ANHX: variants seen among roughly 807,000 people sequenced by gnomAD.
ANHX encodes the protein anomalous homeobox, also known as anomalous homeobox protein.
ANHX carries 20 observed loss-of-function variants against 38.9 expected under a neutral mutation model. The ratio of observed to expected loss-of-function variants is 0.51; its 90% CI spans 0.36 to 0.75. The LOEUF (loss-of-function observed/expected upper bound fraction) is 0.75. ANHX is among the 30% of genes least tolerant of loss of function. The pLI is 0.00. For missense variants in ANHX, 475 were observed against 493.1 expected, an observed-to-expected ratio of 0.96 and a Z score of 0.35; for synonymous variants, 185 against 203.1, an observed-to-expected ratio of 0.91 and a Z score of 0.76.
intron 7 of ANHX, among the ~76,000 whole-genome samples, chr12:133,224,442 C>A (rs144298557): frequency 0.68 from 100,888 of 149,358 alleles, 33,839 homozygotes; most frequent in East Asian, 0.9. Flanking sequence ...CGGGTGGATC[C>A]CTTGAGTTCA....
rs755809523 is a variant in ANHX at position 133,227,199 on chromosome 12, G to A, written c.502-47C>T. On this transcript the variant is annotated intron_variant, in intron 4 of 9. Coordinates refer to ENST00000545940, the MANE Select transcript of ANHX (RefSeq NM_001372060.1). The stretch of plus-strand genomic sequence containing the variant: ...TCTAGCCCTGCTTCCATTCCCTGAG[G>A]ACAGGGGGTGTGCAGAAGTGGCTCA... 5 of 1,499,434 alleles carry A rather than the reference G, an allele frequency of 3.3e-6. 1 individual carries two copies. The highest frequency in any genetic ancestry group is 1.7e-4 in the Middle Eastern group (1 of 5,816). 92.9% of individuals were successfully genotyped at this position (1,499,434 alleles called of 1,614,324 possible).
At chr12:133,233,118 A>C (rs1957308900) in intron 2 of ANHX, among the ~76,000 whole-genome samples, 1 of 152,238 alleles carries the variant, frequency 6.6e-6, no homozygotes, top group Non-Finnish European at 1.5e-5. Context: ...GCCTTGGGAC[A>C]GGGAAACATC....
At chr12:133,224,920 TCA>T (rs1957168122) in intron 7 of ANHX, among the ~76,000 whole-genome samples, 2 of 140,366 alleles carry the variant, frequency 1.4e-5, no homozygotes, top group Non-Finnish European at 3.0e-5. Context: ...TGAGCCGAGA[TCA>T]CGCCACTGCA....
At chr12:133,232,114 T>A (rs143358888) in intron 2 of ANHX, among the ~76,000 whole-genome samples, 19 of 152,164 alleles carry the variant, frequency 1.2e-4, no homozygotes, top group Non-Finnish European at 2.4e-4. Context: ...TGATGTCTGA[T>A]TCAAGTCTTA....
chr12:133,234,022 T>A (rs1957325241), intron 2 of ANHX, 86 bp downstream of exon 2: 3 of 1,471,256 alleles, frequency 2.0e-6, no homozygotes, highest in Non-Finnish European at 2.7e-6. Flanking sequence ...AACTCCTGGG[T>A]ACTGCTGCAG....
rs567713475 is a variant in ANHX at position 133,219,344 on chromosome 12, G to A, written c.1304C>T (p.Pro435Leu). 1.3e-6 allele frequency: 2 copies of A among 1,534,198 alleles called. No individual in the cohort carries two copies. Among genetic ancestry groups the A allele is most frequent in the South Asian group, 1.2e-5 (1 of 83,906 alleles). The stretch of plus-strand genomic sequence containing the variant: ...AGACACAGGGCCGGGGAAGGCAGAT[G>A]GGGCTGGGGCCAGCTCTGGAGGGCT... ...TQSPPELAPA[P>L]SAFPGPVSAM... The change falls in exon 9 of 10, where the codon CCA becomes CTA. Residue 435 changes from proline to leucine, a missense_variant. By Grantham distance (98) the Pro-to-Leu change is moderately conservative. Coordinates refer to ENST00000545940, the MANE Select transcript of ANHX (RefSeq NM_001372060.1).
chr12:133,229,975 C>T (rs927709048), intron 3 of ANHX, among the ~76,000 whole-genome samples: 6 of 152,196 alleles, frequency 3.9e-5, no homozygotes, highest in Non-Finnish European at 8.8e-5. Flanking sequence ...ACATGGCTGA[C>T]ACATCACCAT....
intron 7 of ANHX, among the ~76,000 whole-genome samples, chr12:133,223,358 A>T (rs1327605738): frequency 2.0e-5 from 3 of 151,996 alleles, no homozygotes; most frequent in Non-Finnish European, 4.4e-5. Flanking sequence ...CTGAAGAGAG[A>T]GCTGAAAACA....
At chr12:133,229,327 T>G (rs562786885) in intron 3 of ANHX, among the ~76,000 whole-genome samples, 1 of 152,212 alleles carries the variant, frequency 6.6e-6, no homozygotes. Flanking sequence ...ATTACTTGTC[T>G]GTAGAAGGTG....
intron 8 of ANHX, among the ~76,000 whole-genome samples, chr12:133,220,953 G>C (rs1268757313): frequency 6.6e-6 from 1 of 152,204 alleles, no homozygotes; most frequent in African/African-American, 2.4e-5. Flanking sequence ...GTGATTTGGG[G>C]GTAAGGGTGA....
At chr12:133,219,998 CAA>C (rs2135546759) in intron 8 of ANHX, among the ~76,000 whole-genome samples, 1 of 152,280 alleles carries the variant, frequency 6.6e-6, no homozygotes, top group African/African-American at 2.4e-5. Context: ...CACAGCAAAA[CAA>C]AGACCCGAAA....
At chr12:133,225,884 G>A (rs1957182312) in intron 6 of ANHX, among the ~76,000 whole-genome samples, 56 bp from the exon 7 acceptor site, 1 of 152,242 alleles carries the variant, frequency 6.6e-6, no homozygotes, top group African/African-American at 2.4e-5. Flanking sequence ...TCAGGGCAGG[G>A]CAGGAGGGAG....
intron 1 of ANHX, 114 bp from the exon 2 acceptor site, chr12:133,234,492 C>G (rs1390938501): frequency 6.5e-6 from 8 of 1,230,312 alleles, no homozygotes; most frequent in Non-Finnish European, 8.9e-6. Flanking sequence ...GCCGTGGACA[C>G]TTGTAGAGTA....
chr12:133,219,441 C>T, intron 8 of ANHX, 74 bp from the exon 9 acceptor site: 2 of 1,020,044 alleles, frequency 2.0e-6, no homozygotes, highest in Non-Finnish European at 2.8e-6. Flanking sequence ...CCCAGCTGTG[C>T]TTTCTCCCTC....
Position 133,221,433 on chromosome 12 carries a change from A to T in ANHX, c.1133-81T>A. The T allele has an allele frequency of 6.9e-7, 1 of 1,444,440 alleles. No individual in the cohort carries two copies. Among genetic ancestry groups the T allele is most frequent in the East Asian group, 2.5e-5 (1 of 39,852 alleles). The allele number at this position is 1,444,440 out of a possible 1,614,324, so 89.5% of individuals were successfully genotyped here. ...TGTGACACAACCAAGACCTCAAAGC[A>T]CGGAGGCGGATGCAGCCTCCGGCCC... On this transcript the variant is annotated intron_variant, in intron 7 of 9. Coordinates refer to ENST00000545940, the MANE Select transcript of ANHX (RefSeq NM_001372060.1). The surrounding 1 kb of genome is among the most constrained non-coding windows in gnomAD (Gnocchi z 4.1).
chr12:133,229,181 T>C (rs1246565100), intron 3 of ANHX, among the ~76,000 whole-genome samples: 1 of 152,142 alleles, frequency 6.6e-6, no homozygotes, highest in Non-Finnish European at 1.5e-5. Context: ...TCAGTATCAG[T>C]CACAGAGATG....
rs141902064 is a variant in ANHX at position 133,218,604 on chromosome 12, C to G, written c.*281G>C. 1 of 272,798 alleles carries G rather than the reference C, an allele frequency of 3.7e-6. No homozygotes were observed. Among genetic ancestry groups the G allele is most frequent in the South Asian group, 1.3e-4 (1 of 7,436 alleles). The allele number at this position is 272,798 out of a possible 1,614,324, so 16.9% of individuals were successfully genotyped here. ...AATGGCCTTCTCTGCACGAGTGCCC[C>G]GGAGCCCGACTGATCCAGTGCTGCG... On this transcript the variant is annotated 3_prime_UTR_variant, in exon 10 of 10. Transcript: ENST00000545940.
intron 3 of ANHX, 77 bp downstream of exon 3, chr12:133,231,440 C>T: frequency 1.3e-6 from 2 of 1,514,820 alleles, no homozygotes; most frequent in East Asian, 2.5e-5. Context: ...TTGCTTCAGC[C>T]CCTCTGGGCT....
chr12:133,223,445 CTTTTTTTTT>C (rs899014720), intron 7 of ANHX, among the ~76,000 whole-genome samples: 1 of 130,218 alleles, frequency 7.7e-6, no homozygotes, highest in Admixed American at 8.0e-5. Flanking sequence ...AGACTTTATT[CTTTTTTTTT>C]TTTTTTTTTG....
Sources: gnomAD v4.1 joint callset for allele counts (sites outside exome capture counted in the v4.1 genomes callset) on GRCh38, gnomAD v4.1.1 for gene constraint, Gnocchi (gnomAD v3.1) non-coding constraint, MANE v1.5 for transcripts, NCBI Gene and HGNC (gene_info 2026-07-23, HGNC 2026-07-21) for gene names.